The following SMCHD1 variants were observed in gnomAD, a reference collection of about 807,000 sequenced individuals.
The protein encoded by SMCHD1 is structural maintenance of chromosomes flexible hinge domain containing 1.
In SMCHD1, 78 loss-of-function variants were observed where a neutral mutation model predicts 254.7. That is an observed-to-expected ratio of 0.31 (90% CI 0.26 to 0.37). SMCHD1 has a LOEUF of 0.37. Among genes scored for constraint, SMCHD1 ranks in the 10% least tolerant of loss-of-function variants. The probability of loss-of-function intolerance (pLI) is 1.00; values close to 1 mark genes in which losing one functional copy is unlikely to be tolerated. For missense variants in SMCHD1, 1,840 were observed against 2,408.1 expected (o/e 0.76, Z 4.94); for synonymous variants, 766 against 794.9 (o/e 0.96, Z 0.61).
chr18:2,685,094 A>AATTT (rs2074013689), intron 5 of SMCHD1, among the ~76,000 whole-genome samples: 2 of 81,880 alleles, frequency 2.4e-5, no homozygotes, highest in Admixed American at 3.9e-4. Context: ...TCTGTCCCTT[A>AATTT]TTTTTTTCTT....
At chr18:2,749,997 T>A (rs1436211092) in intron 30 of SMCHD1, 46 bp from the exon 31 acceptor site, 31 of 1,467,252 alleles carry the variant, frequency 2.1e-5, no homozygotes, top group Non-Finnish European at 2.4e-5. Context: ...ACTTGATTGA[T>A]CTCTAGAATT....
chr18:2,714,896 C>T (rs2074763227), intron 17 of SMCHD1, among the ~76,000 whole-genome samples: 1 of 152,048 alleles, frequency 6.6e-6, no homozygotes, highest in Non-Finnish European at 1.5e-5. Flanking sequence ...ACAGAGGGAG[C>T]AGGACTGTAA....
intron 46 of SMCHD1, 102 bp downstream of exon 46, chr18:2,796,209 A>G (rs1184533668): frequency 8.8e-7 from 1 of 1,136,224 alleles, no homozygotes; most frequent in Non-Finnish European, 1.2e-6. Flanking sequence ...CAAATGATTC[A>G]GAACTTAACA....
At chr18:2,743,134 T>G (rs2075382799) in intron 28 of SMCHD1, among the ~76,000 whole-genome samples, 1 of 152,208 alleles carries the variant, frequency 6.6e-6, no homozygotes, top group South Asian at 2.1e-4. Context: ...TGTGGAATCA[T>G]TCAGTCATAT....
intron 37 of SMCHD1, among the ~76,000 whole-genome samples, chr18:2,767,587 T>TG (rs1446229371): frequency 1.2e-5 from 1 of 83,122 alleles, no homozygotes; most frequent in Non-Finnish European, 2.8e-5. Flanking sequence ...CTATTTCCTT[T>TG]TTTTTTTTTT....
intron 12 of SMCHD1, among the ~76,000 whole-genome samples, chr18:2,702,448 G>C (rs527922232): frequency 2.6e-5 from 4 of 152,268 alleles, no homozygotes; most frequent in Admixed American, 2.6e-4. Context: ...TGGAATTAAT[G>C]CATTTGGTAA....
chr18:2,796,741 T>C (rs2143863862), intron 47 of SMCHD1: 1 of 476,488 alleles, frequency 2.1e-6, no homozygotes. Flanking sequence ...CCACCATGCT[T>C]GGCTAATTTT....
chr18:2,663,304 G>GT (rs776400177), intron 1 of SMCHD1, among the ~76,000 whole-genome samples: 14 of 151,980 alleles, frequency 9.2e-5, no homozygotes, highest in Non-Finnish European at 2.1e-4. Context: ...TAGAGATGGG[G>GT]TTTTACCACA....
intron 39 of SMCHD1, among the ~76,000 whole-genome samples, chr18:2,770,832 G>T (rs1023569143): frequency 6.6e-6 from 1 of 151,988 alleles, no homozygotes; most frequent in Admixed American, 6.5e-5. Context: ...TGTTGGCCGG[G>T]CTGGTCTCGA....
intron 5 of SMCHD1, among the ~76,000 whole-genome samples, chr18:2,680,853 A>G (rs945531916): frequency 1.3e-5 from 2 of 152,156 alleles, no homozygotes; most frequent in African/African-American, 2.4e-5. Flanking sequence ...AGGCATTCTC[A>G]TTACTTTCAT....
chr18:2,705,207 C>T (rs917107116), intron 13 of SMCHD1, among the ~76,000 whole-genome samples: 1 of 152,066 alleles, frequency 6.6e-6, no homozygotes, highest in African/African-American at 2.4e-5. Context: ...TCTTATAGTC[C>T]TTGTTGGGAA....
At chr18:2,735,713 C>G (rs112701106) in intron 25 of SMCHD1, among the ~76,000 whole-genome samples, 92 of 152,178 alleles carry the variant, frequency 6.0e-4, no homozygotes, top group African/African-American at 2.2e-3. Context: ...TACATCTAAC[C>G]AAGGAAGTGA....
Position 2,747,624 on chromosome 18 carries a change from C to T in SMCHD1, c.3904C>T (p.Leu1302Phe). ...ACCGGTACAACATGTTAAAATAAGT[C>T]TTACAAAAGCTAGCAATTTAAAGGT... ...PAPVQHVKIS[L>F]TKASNLKLMP... is the part of the protein sequence containing the mutation. Residue 1302 changes from leucine to phenylalanine, a missense_variant, in exon 30 of 48, where the codon CTT becomes TTT. Physicochemically the swap from Leu to Phe is conservative, Grantham distance 22 (BLOSUM62 0). This residue lies in a region of SMCHD1 where 881 missense variants were observed against 1,009.5 expected (regional missense o/e 0.87). Coordinates refer to ENST00000320876, the MANE Select transcript of SMCHD1 (RefSeq NM_015295.3). The T allele has an allele frequency of 6.3e-7, 1 of 1,594,410 alleles. No individual in the cohort carries two copies. The highest frequency in any genetic ancestry group is 8.5e-7 in the Non-Finnish European group (1 of 1,169,822).
At position 2,790,130 on chromosome 18, in the gene SMCHD1, C is replaced by G. The variant is rs181197686; in HGVS notation, c.5719+5509C>G. 1.4e-4 allele frequency among the ~76,000 whole-genome samples: 21 copies of G among 152,124 alleles called. 1 individual carries two copies. The South Asian group carries it at 4.1e-3, about 30-fold the overall frequency. On this transcript the variant is annotated intron_variant, in intron 45 of 47. Transcript: ENST00000320876. ...CCAGGAGGCGGAGCTTGCAGTGAGC[C>G]GACATCGCGCCACTGCACTCCAGCC...
chr18:2,778,375 T>C (rs2076100862), intron 44 of SMCHD1, 136 bp downstream of exon 44: 4 of 593,294 alleles, frequency 6.7e-6, no homozygotes, highest in Non-Finnish European at 2.8e-6. Flanking sequence ...AACATAAAAG[T>C]AGGCAAAACG....
chr18:2,719,204 CCTTTT>C (rs1373980264), intron 19 of SMCHD1, among the ~76,000 whole-genome samples: 1 of 151,390 alleles, frequency 6.6e-6, no homozygotes, highest in African/African-American at 2.4e-5. Flanking sequence ...CTTTTTCTCT[CCTTTT>C]CTTTTCTGTT....
chr18:2,669,376 C>A (rs1401739368), intron 3 of SMCHD1, among the ~76,000 whole-genome samples: 2 of 152,036 alleles, frequency 1.3e-5, no homozygotes, highest in Admixed American at 6.6e-5. Flanking sequence ...ATAAAATTTT[C>A]TTTGTAGAGA....
At chr18:2,706,734 A>G (rs2074523866) in intron 15 of SMCHD1, among the ~76,000 whole-genome samples, 1 of 152,030 alleles carries the variant, frequency 6.6e-6, no homozygotes, top group Admixed American at 6.5e-5. Flanking sequence ...ATGTTTTAAA[A>G]AAACTCAGTT....
intron 9 of SMCHD1, 53 bp from the exon 10 acceptor site, chr18:2,697,778 C>T (rs1351132225): frequency 8.1e-7 from 1 of 1,239,308 alleles, no homozygotes; most frequent in African/African-American, 1.5e-5. Flanking sequence ...TAGCTGAGAA[C>T]AAAAGTAAAG....
Sources: allele counts gnomAD v4.1 joint callset (sites outside exome capture counted in the v4.1 genomes callset), GRCh38; gene constraint gnomAD v4.1.1; regional missense constraint gnomAD v4.1.1; transcripts MANE v1.5; gene names NCBI Gene and HGNC (gene_info 2026-07-23, HGNC 2026-07-21).